The following PTPRD variants were observed in gnomAD, a reference collection of about 807,000 sequenced individuals.
PTPRD encodes protein tyrosine phosphatase receptor type D, also known as receptor-type tyrosine-protein phosphatase delta.
Under a neutral mutation model 214.5 loss-of-function variants are expected in PTPRD, and 34 were observed. The observed-to-expected ratio is 0.16, with a 90% CI of 0.12 to 0.21. PTPRD has a LOEUF of 0.21. Among genes scored for constraint, PTPRD ranks in the 10% least tolerant of loss-of-function variants. The pLI is 1.00. For missense variants in PTPRD, 2,545 were observed against 2,398.7 expected (o/e 1.06, Z -1.27); for synonymous variants, 1,128 against 845.7 (o/e 1.33, Z -5.79).
At chr9:9,796,910 C>T (rs930238075) in intron 5 of PTPRD, among the ~76,000 whole-genome samples, 1 of 152,008 alleles carries the variant, frequency 6.6e-6, no homozygotes, top group Non-Finnish European at 1.5e-5. Context: ...TACGTCATTG[C>T]CACAATCAAG....
intron 9 of PTPRD, among the ~76,000 whole-genome samples, chr9:9,309,834 A>G (rs1348226855): frequency 3.3e-5 from 5 of 152,200 alleles, no homozygotes; most frequent in Admixed American, 6.6e-5. Flanking sequence ...TTTTACTCCA[A>G]TCTTGGAATA....
intron 43 of PTPRD, among the ~76,000 whole-genome samples, chr9:8,333,622 A>G (rs1843627061): frequency 6.6e-6 from 1 of 151,916 alleles, no homozygotes; most frequent in South Asian, 2.1e-4. Context: ...AAAGACCATC[A>G]ACGCTATGAA....
intron 11 of PTPRD, among the ~76,000 whole-genome samples, chr9:8,867,064 T>G (rs1480196172): frequency 6.6e-6 from 1 of 152,172 alleles, no homozygotes; most frequent in Non-Finnish European, 1.5e-5. Context: ...AGTTCTTGTG[T>G]CAGATAATTG....
At chr9:10,267,972 A>G (rs1377120003) in intron 3 of PTPRD, among the ~76,000 whole-genome samples, 2 of 152,124 alleles carry the variant, frequency 1.3e-5, no homozygotes, top group African/African-American at 4.8e-5. Context: ...TATGCTAAAA[A>G]AATATGCTAA....
chr9:10,326,484 C>A (rs2096645155), intron 3 of PTPRD, among the ~76,000 whole-genome samples: 2 of 151,446 alleles, frequency 1.3e-5, no homozygotes, highest in African/African-American at 4.8e-5. Flanking sequence ...TGAGCCAAAG[C>A]CAAAAAGTTG....
intron 3 of PTPRD, among the ~76,000 whole-genome samples, chr9:10,320,520 C>T (rs776792761): frequency 2.0e-5 from 3 of 152,024 alleles, no homozygotes; most frequent in Non-Finnish European, 4.4e-5. Flanking sequence ...GATATTGCAA[C>T]ATCTCTTTCA....
intron 12 of PTPRD, among the ~76,000 whole-genome samples, chr9:8,683,095 G>C (rs1275194907): frequency 3.3e-5 from 5 of 152,142 alleles, no homozygotes; most frequent in African/African-American, 9.6e-5. Context: ...TTTTGTAAGA[G>C]GAATATAAAA....
chr9:10,545,262 G>C (rs1203984666), intron 2 of PTPRD, among the ~76,000 whole-genome samples: 2 of 152,170 alleles, frequency 1.3e-5, no homozygotes, highest in Non-Finnish European at 1.5e-5. Flanking sequence ...GCAAAGTGGG[G>C]AGAGAGAATT....
chr9:10,472,451 TA>T (rs1357852069), intron 2 of PTPRD, among the ~76,000 whole-genome samples: 1 of 149,422 alleles, frequency 6.7e-6, no homozygotes, highest in Admixed American at 6.6e-5. Context: ...TTCTTTAACA[TA>T]GGATGTCTGG....
intron 8 of PTPRD, among the ~76,000 whole-genome samples, chr9:9,437,091 T>G (rs1010775122): frequency 1.3e-5 from 2 of 152,190 alleles, no homozygotes; most frequent in Non-Finnish European, 2.9e-5. Flanking sequence ...CTAATATTTT[T>G]GGGCAGCGAA....
At chr9:8,488,051 A>G (rs149639188) in intron 27 of PTPRD, among the ~76,000 whole-genome samples, 2 of 152,286 alleles carry the variant, frequency 1.3e-5, no homozygotes, top group African/African-American at 4.8e-5. Flanking sequence ...GAAGAAAAAG[A>G]AAGATGGTAG....
At chr9:8,464,498 G>A (rs552205812) in intron 32 of PTPRD, among the ~76,000 whole-genome samples, 3 of 152,026 alleles carry the variant, frequency 2.0e-5, no homozygotes, top group African/African-American at 7.2e-5. Flanking sequence ...TCAGTCACTT[G>A]AAGAGAGGCC....
chr9:9,988,531 A>G (rs754873962), intron 4 of PTPRD, among the ~76,000 whole-genome samples: 5 of 152,210 alleles, frequency 3.3e-5, no homozygotes, highest in Non-Finnish European at 5.9e-5. Flanking sequence ...CATGCAGAAC[A>G]TAAGTCTCAA....
intron 11 of PTPRD, among the ~76,000 whole-genome samples, chr9:8,784,559 T>C (rs770901697): frequency 6.6e-6 from 1 of 152,194 alleles, no homozygotes; most frequent in Admixed American, 6.5e-5. Flanking sequence ...TCTGGTTTTA[T>C]TGCATTTTTC....
At chr9:8,487,871 C>A (rs138348377) in intron 27 of PTPRD, among the ~76,000 whole-genome samples, 3 of 150,738 alleles carry the variant, frequency 2.0e-5, no homozygotes, top group Non-Finnish European at 4.4e-5. Context: ...CTTATCTCTA[C>A]GGGGGGAGGG....
At chr9:8,567,840 C>T (rs752491512) in intron 14 of PTPRD, among the ~76,000 whole-genome samples, 1 of 152,068 alleles carries the variant, frequency 6.6e-6, no homozygotes, top group East Asian at 1.9e-4. Flanking sequence ...TTCATGGAAT[C>T]AGGATCAAGG....
intron 14 of PTPRD, among the ~76,000 whole-genome samples, chr9:8,537,072 T>C (rs1423099960): frequency 1.3e-5 from 2 of 152,024 alleles, no homozygotes; most frequent in East Asian, 1.9e-4. Context: ...ATTTTCACCA[T>C]TCCAGATGGC....
intron 34 of PTPRD, among the ~76,000 whole-genome samples, chr9:8,449,380 C>T (rs143629904): frequency 2.6e-4 from 39 of 151,952 alleles, no homozygotes; most frequent in African/African-American, 8.9e-4. Context: ...CTCATTCATT[C>T]ACTTGATGAG....
At chr9:10,240,512 G>C (rs1394124931) in intron 3 of PTPRD, among the ~76,000 whole-genome samples, 1 of 151,718 alleles carries the variant, frequency 6.6e-6, no homozygotes, top group Non-Finnish European at 1.5e-5. Context: ...ATGTAAAGTG[G>C]GTAAGAAATC....
Sources: gnomAD v4.1 joint callset for allele counts (sites outside exome capture counted in the v4.1 genomes callset) on GRCh38, gnomAD v4.1.1 for gene constraint, MANE v1.5 for transcripts, NCBI Gene and HGNC (gene_info 2026-07-23, HGNC 2026-07-21) for gene names.